The following ANOS1 variants were observed in gnomAD, a reference collection of about 807,000 sequenced individuals.
ANOS1 encodes anosmin-1.
A neutral mutation model predicts 59.0 loss-of-function variants in ANOS1; 6 were observed. The observed-to-expected ratio is 0.10, with a 90% confidence interval of 0.06 to 0.20. ANOS1 has a LOEUF of 0.20. Ranked by LOEUF, ANOS1 falls within the 10% of genes least tolerant of loss-of-function variation. The pLI is 1.00. For missense variants in ANOS1, 433 were observed against 542.3 expected (o/e 0.80, Z 2.00); for synonymous variants, 217 against 223.4 (o/e 0.97, Z 0.25).
intron 2 of ANOS1, among the ~76,000 whole-genome samples, chrX:8,625,454 T>C (rs1204307040): frequency 1.8e-5 from 2 of 112,158 alleles, no homozygotes; most frequent in Non-Finnish European, 3.8e-5. Flanking sequence ...ATTCCGGATA[T>C]ATGGTGAAGC....
intron 4 of ANOS1, among the ~76,000 whole-genome samples, chrX:8,594,818 A>C (rs1930705562): frequency 1.0e-5 from 1 of 98,853 alleles, no homozygotes; most frequent in South Asian, 4.8e-4. Context: ...TCATTACACA[A>C]AAGTCACTGT....
At chrX:8,707,731 T>C (rs900777571) in intron 1 of ANOS1, among the ~76,000 whole-genome samples, 1 of 111,732 alleles carries the variant, frequency 8.9e-6, no homozygotes, top group Non-Finnish European at 1.9e-5. Context: ...CCACACCATT[T>C]TACTTCAATA....
intron 1 of ANOS1, among the ~76,000 whole-genome samples, chrX:8,722,574 TACACACACAC>T (rs774803381): frequency 2.0e-5 from 2 of 102,134 alleles, no homozygotes; most frequent in Non-Finnish European, 4.0e-5. Flanking sequence ...ATTATGTGTG[TACACACACAC>T]ACACACACAC....
chrX:8,587,129 T>TGG (rs1263922777), intron 5 of ANOS1, among the ~76,000 whole-genome samples: 2 of 102,066 alleles, frequency 2.0e-5, no homozygotes, highest in African/African-American at 3.5e-5. Flanking sequence ...TTTGTGTGTG[T>TGG]GTGTGGGGGG....
chrX:8,681,597 C>T (rs967577865), intron 2 of ANOS1, among the ~76,000 whole-genome samples: 1 of 111,301 alleles, frequency 9.0e-6, no homozygotes, highest in African/African-American at 3.3e-5. Context: ...CAGTCTGCCC[C>T]CTGTCTTCCA....
chrX:8,620,805 C>A (rs1234215672), intron 3 of ANOS1, among the ~76,000 whole-genome samples: 4 of 111,938 alleles, frequency 3.6e-5, no homozygotes, highest in Non-Finnish European at 7.5e-5. Context: ...TTTCAAGTTT[C>A]AATTAACCTT....
chrX:8,683,062 G>C (rs768543735), intron 2 of ANOS1, among the ~76,000 whole-genome samples: 2 of 111,213 alleles, frequency 1.8e-5, no homozygotes, highest in South Asian at 7.7e-4. Flanking sequence ...GCATGCTAAA[G>C]TTTGAGAAGC....
chrX:8,666,604 G>A (rs1450515515), intron 2 of ANOS1, among the ~76,000 whole-genome samples: 1 of 111,859 alleles, frequency 8.9e-6, no homozygotes, highest in Non-Finnish European at 1.9e-5. Context: ...CACTGAAAAA[G>A]CTAAATTGAT....
chrX:8,571,578 T>C (rs1387512216), intron 6 of ANOS1, among the ~76,000 whole-genome samples: 1 of 112,270 alleles, frequency 8.9e-6, no homozygotes, highest in Non-Finnish European at 1.9e-5. Context: ...AGCATTCATT[T>C]TTGTGATTGT....
chrX:8,705,031 T>C lies in ANOS1; in HGVS notation c.208-5286A>G, dbSNP rs374492327. 9.8e-4 allele frequency among the ~76,000 whole-genome samples: 110 copies of C among 111,730 alleles called. 1 individual carries two copies. Among genetic ancestry groups the C allele is most frequent in the African/African-American group, 3.5e-3 (107 of 30,754 alleles). On this transcript the variant is annotated intron_variant, in intron 1 of 13. Transcript: ENST00000262648. ...AAAGGATGCCTTTCCATTCTGTTTTTTCCTTGGGTGGAAGCAATTTTTCAA... is the reference window on the plus strand; with the variant it reads ...AAAGGATGCCTTTCCATTCTGTTTTCTCCTTGGGTGGAAGCAATTTTTCAA...
At chrX:8,553,878 A>G in intron 9 of ANOS1, 74 bp downstream of exon 9, 1 of 1,006,165 alleles carries the variant, frequency 9.9e-7, no homozygotes, top group South Asian at 1.9e-5. Context: ...CTTGACATTT[A>G]CTTCTTCAAA....
At chrX:8,626,782 A>C (rs1249720854) in intron 2 of ANOS1, among the ~76,000 whole-genome samples, 1 of 105,842 alleles carries the variant, frequency 9.4e-6, no homozygotes, top group African/African-American at 3.5e-5. Flanking sequence ...AATGGCGTGA[A>C]CCCGAGAGGC....
intron 1 of ANOS1, among the ~76,000 whole-genome samples, chrX:8,725,595 G>GATATATATACAGAT (rs1932907675): frequency 2.3e-5 from 1 of 43,046 alleles, no homozygotes; most frequent in East Asian, 1.0e-3. Flanking sequence ...TATATATACA[G>GATATATATACAGAT]ATATATATAT....
At chrX:8,718,947 C>T (rs1219316592) in intron 1 of ANOS1, among the ~76,000 whole-genome samples, 2 of 112,121 alleles carry the variant, frequency 1.8e-5, no homozygotes, top group African/African-American at 3.2e-5. Context: ...AGAAAATATT[C>T]GTATACTTCC....
chrX:8,627,103 A>G (rs184976157), intron 2 of ANOS1, among the ~76,000 whole-genome samples: 1 of 112,386 alleles, frequency 8.9e-6, no homozygotes, highest in Non-Finnish European at 1.9e-5. Flanking sequence ...CTGCAAGGTA[A>G]GTCTTTATCA....
At chrX:8,602,345 A>G (rs1930858459) in intron 3 of ANOS1, among the ~76,000 whole-genome samples, 2 of 111,900 alleles carry the variant, frequency 1.8e-5, no homozygotes, top group Admixed American at 1.9e-4. Flanking sequence ...AATACTCTAG[A>G]TATAAACAAA....
At position 8,667,422 on chromosome X, in the gene ANOS1, A is replaced by T. The variant is rs779410725; in HGVS notation, c.255+32276T>A. On this transcript the variant is annotated intron_variant, in intron 2 of 13. Transcript: ENST00000262648. ...GCAACCCTCCTGCTTCAGCCTCCAG[A>T]GTACCCGGAATTAAAGGTGTGCACC... Among the ~76,000 whole-genome samples the T allele has an allele frequency of 6.3e-5, 7 of 111,258 alleles. 1 individual carries two copies. In the Admixed American group the frequency reaches 6.7e-4, roughly 11 times the overall value.
intron 1 of ANOS1, among the ~76,000 whole-genome samples, chrX:8,703,016 G>C: frequency 8.9e-6 from 1 of 112,414 alleles, no homozygotes; most frequent in Non-Finnish European, 1.9e-5. Flanking sequence ...TTCCTAGGCA[G>C]ATGGGCAGGA....
chrX:8,591,774 G>T (rs73199021), intron 4 of ANOS1, among the ~76,000 whole-genome samples: 9,723 of 111,778 alleles, frequency 0.087, 371 homozygotes, highest in Admixed American at 0.13. Flanking sequence ...TCACTGCCGG[G>T]GCGCACAGTC....
Sources: gnomAD v4.1 joint callset for allele counts (sites outside exome capture counted in the v4.1 genomes callset) on GRCh38, gnomAD v4.1.1 for gene constraint, MANE v1.5 for transcripts, NCBI Gene and HGNC (gene_info 2026-07-23, HGNC 2026-07-21) for gene names.